The following ZNF704 variants were observed in gnomAD, a reference collection of about 807,000 sequenced individuals.
The protein encoded by ZNF704 is zinc finger protein 704.
In ZNF704, 10 loss-of-function variants were observed where a neutral mutation model predicts 44.7. That is an observed-to-expected ratio of 0.22 (90% CI 0.14 to 0.38). The LOEUF is 0.38. ZNF704 is among the 10% of genes least tolerant of loss of function. The pLI is 1.00. For missense variants in ZNF704, 390 were observed against 545.5 expected, an observed-to-expected ratio of 0.71 and a Z score of 2.84; for synonymous variants, 211 against 207.6, an observed-to-expected ratio of 1.02 and a Z score of -0.14.
chr8:80,851,178 C>T (rs887855042), intron 1 of ZNF704, among the ~76,000 whole-genome samples: 4 of 152,246 alleles, frequency 2.6e-5, no homozygotes, highest in Admixed American at 2.0e-4. Flanking sequence ...CCTCAGGGAA[C>T]TAGAACTAGA....
chr8:80,758,690 T>C (rs922142232), intron 2 of ZNF704, among the ~76,000 whole-genome samples: 2 of 152,182 alleles, frequency 1.3e-5, no homozygotes, highest in African/African-American at 4.8e-5. Context: ...CAAAACCACA[T>C]AAGGTAGGCA....
chr8:80,883,640 A>G, the ZNF704 span, among the ~76,000 whole-genome samples: 1 of 152,252 alleles, frequency 6.6e-6, no homozygotes, highest in Non-Finnish European at 1.5e-5. Context: ...ATCCATTTTT[A>G]GGTAGATCTG....
chr8:80,732,811 C>T (rs1806603337), intron 2 of ZNF704, among the ~76,000 whole-genome samples: 1 of 152,010 alleles, frequency 6.6e-6, no homozygotes, highest in South Asian at 2.1e-4. Context: ...CAAAAATTAG[C>T]CGGGCGTGGT....
chr8:80,878,409 G>T (rs1809387794), upstream of ZNF704, among the ~76,000 whole-genome samples: 1 of 152,118 alleles, frequency 6.6e-6, no homozygotes, highest in Admixed American at 6.5e-5. Flanking sequence ...TGTAACCATA[G>T]CCAGAACAAA....
At position 80,630,957 on chromosome 8, in the gene ZNF704, T is replaced by C. The variant is rs1443248903; in HGVS notation, c.*10409A>G. The C allele has an allele frequency of 6.6e-6, 1 of 152,198 alleles. No homozygotes were observed. Among genetic ancestry groups the C allele is most frequent in the Non-Finnish European group, 1.5e-5 (1 of 68,032 alleles). The allele number at this position is 152,198 out of a possible 1,614,324, so 9.4% of individuals were successfully genotyped here. A position where few individuals can be genotyped will look rare whatever the true frequency, so the allele number is the denominator to read the frequency against. On this transcript the variant is annotated 3_prime_UTR_variant, in exon 9 of 9. Transcript: ENST00000327835. ...AGGACATTTTCAGTTATCGAAGTCATGGGACTAGTATGTTTTGGAGATTTT... is the reference window on the plus strand; with the variant it reads ...AGGACATTTTCAGTTATCGAAGTCACGGGACTAGTATGTTTTGGAGATTTT...
chr8:80,665,138 A>C, intron 5 of ZNF704, 56 bp from the exon 6 acceptor site: 3 of 1,584,418 alleles, frequency 1.9e-6, no homozygotes, highest in Non-Finnish European at 1.7e-6. Context: ...TCTTGCCTTG[A>C]AATCTTGCAC....
At chr8:80,821,660 C>G in intron 1 of ZNF704, 45 bp from the exon 2 acceptor site, 1 of 1,437,836 alleles carries the variant, frequency 7.0e-7, no homozygotes, top group East Asian at 2.3e-5. Flanking sequence ...AAAACATCAC[C>G]TTTGTACGAC....
At chr8:80,720,160 T>A (rs1819141680) in intron 2 of ZNF704, among the ~76,000 whole-genome samples, 1 of 152,204 alleles carries the variant, frequency 6.6e-6, no homozygotes, top group Admixed American at 6.5e-5. Flanking sequence ...ATCACCCAGA[T>A]GTGACTCCTT....
At chr8:80,655,335 A>T (rs1258475507) in intron 7 of ZNF704, among the ~76,000 whole-genome samples, 1 of 152,154 alleles carries the variant, frequency 6.6e-6, no homozygotes, top group Non-Finnish European at 1.5e-5. Context: ...TTAATTTAAA[A>T]AAAAGAACAA....
rs1400625762 is a variant in ZNF704 at position 80,641,167 on chromosome 8, A to G, written c.*199T>C. On this transcript the variant is annotated 3_prime_UTR_variant, in exon 9 of 9. Transcript: ENST00000327835. Reference sequence around the variant, plus strand: ...GCTGCTCCAAGCTGGGTTCTCAGTAAGAGCAACTTTCTTTTGTCATAGGTG... The same window carrying G: ...GCTGCTCCAAGCTGGGTTCTCAGTAGGAGCAACTTTCTTTTGTCATAGGTG... 2.4e-6 allele frequency: 1 copy of G among 409,150 alleles called. No homozygotes were observed. The highest frequency in any genetic ancestry group is 4.3e-6 in the Non-Finnish European group (1 of 230,534). The allele number at this position is 409,150 out of a possible 1,614,324, so 25.3% of individuals were successfully genotyped here.
chr8:80,692,177 A>G (rs1439455952), intron 3 of ZNF704, among the ~76,000 whole-genome samples: 9 of 152,132 alleles, frequency 5.9e-5, no homozygotes, highest in Non-Finnish European at 1.3e-4. Flanking sequence ...TTCACCTCCT[A>G]CTGCCTGACC....
Position 80,635,952 on chromosome 8 carries a change from T to A in ZNF704, c.*5414A>T, listed in dbSNP as rs1333079743. 1 of 152,214 alleles carries A rather than the reference T, an allele frequency of 6.6e-6. No homozygotes were observed. The highest frequency in any genetic ancestry group is 2.4e-5 in the African/African-American group (1 of 41,456). The allele number at this position is 152,214 out of a possible 1,614,324, so 9.4% of individuals were successfully genotyped here. Reference sequence around the variant, plus strand: ...GAGCAAGAATTACTTATAATATTAATACTTCCTGCCTGGTAAAATACTATA... The same window carrying A: ...GAGCAAGAATTACTTATAATATTAAAACTTCCTGCCTGGTAAAATACTATA... On this transcript the variant is annotated 3_prime_UTR_variant, in exon 9 of 9. Coordinates refer to ENST00000327835, the MANE Select transcript of ZNF704 (RefSeq NM_001033723.3).
At chr8:80,824,745 C>A (rs1808342299) in intron 1 of ZNF704, among the ~76,000 whole-genome samples, 4 of 152,132 alleles carry the variant, frequency 2.6e-5, no homozygotes, top group Admixed American at 2.6e-4. Context: ...ACTCTAAAAG[C>A]CAGAAGAGAG....
At chr8:80,660,100 C>G (rs1024197241) in intron 6 of ZNF704, among the ~76,000 whole-genome samples, 1 of 152,186 alleles carries the variant, frequency 6.6e-6, no homozygotes, top group African/African-American at 2.4e-5. Flanking sequence ...TTAGCATTCT[C>G]TGTGTTAGCT....
At chr8:80,690,243 C>G (rs890193685) in intron 3 of ZNF704, among the ~76,000 whole-genome samples, 2 of 152,028 alleles carry the variant, frequency 1.3e-5, no homozygotes, top group Non-Finnish European at 2.9e-5. Flanking sequence ...CATTGAAGAG[C>G]CAAAAGGTTT....
Position 80,638,860 on chromosome 8 carries a change from G to C in ZNF704, c.*2506C>G, listed in dbSNP as rs983704343. The stretch of plus-strand genomic sequence containing the variant: ...AGCCCCAACTTGGGTAGGAGGTACA[G>C]AACTGTGTGAAAAATGCTTTAGAAA... On this transcript the variant is annotated 3_prime_UTR_variant, in exon 9 of 9. Transcript: ENST00000327835. 1 of 152,340 alleles carries C rather than the reference G, an allele frequency of 6.6e-6. No individual in the cohort carries two copies. The highest frequency in any genetic ancestry group is 2.4e-5 in the African/African-American group (1 of 41,450). 9.4% of individuals were successfully genotyped at this position (152,340 alleles called of 1,614,324 possible). A position where few individuals can be genotyped will look rare whatever the true frequency, so the allele number is the denominator to read the frequency against.
the ZNF704 span, among the ~76,000 whole-genome samples, chr8:80,880,817 T>G: frequency 2.6e-5 from 4 of 152,182 alleles, no homozygotes; most frequent in Admixed American, 2.0e-4. Context: ...TTAAAGTAAG[T>G]GAAAGATAGA....
chr8:80,827,674 C>T (rs1808401621), intron 1 of ZNF704, among the ~76,000 whole-genome samples: 2 of 152,192 alleles, frequency 1.3e-5, no homozygotes, highest in Non-Finnish European at 2.9e-5. Flanking sequence ...TCAAACTATA[C>T]TACAAGGCTA....
At chr8:80,730,910 T>A (rs1806570371) in intron 2 of ZNF704, among the ~76,000 whole-genome samples, 1 of 152,206 alleles carries the variant, frequency 6.6e-6, no homozygotes. Context: ...AACAAATAGA[T>A]TCATATAATT....
Sources: gnomAD v4.1 joint callset for allele counts (sites outside exome capture counted in the v4.1 genomes callset) on GRCh38, gnomAD v4.1.1 for gene constraint, MANE v1.5 for transcripts, NCBI Gene and HGNC (gene_info 2026-07-23, HGNC 2026-07-21) for gene names.